The following PCDH18 variants were observed in gnomAD, a reference collection of about 807,000 sequenced individuals.
PCDH18 encodes protocadherin 18, also known as protocadherin-18.
A neutral mutation model predicts 71.5 loss-of-function variants in PCDH18; 38 were observed. That is an observed-to-expected ratio of 0.53 (90% CI 0.41 to 0.70). The LOEUF is 0.70. Among genes scored for constraint, PCDH18 ranks in the 30% least tolerant of loss-of-function variants. The pLI is 0.00. For synonymous variants in PCDH18, 565 were observed against 505.4 expected (o/e 1.12, Z -1.58); for missense variants, 1,334 against 1,384.6 (o/e 0.96, Z 0.58).
In PCDH18 at chr4:137,520,014, T is replaced by C. The variant is rs1420247750; in HGVS notation, c.*1015A>G. The C allele has an allele frequency of 6.6e-6, 1 of 152,468 alleles. No individual in the cohort carries two copies. Among genetic ancestry groups the C allele is most frequent in the Non-Finnish European group, 1.5e-5 (1 of 68,006 alleles). The allele number at this position is 152,468 out of a possible 1,614,324, so 9.4% of individuals were successfully genotyped here. A position where few individuals can be genotyped will look rare whatever the true frequency, so the allele number is the denominator to read the frequency against. ...GGAGACAAAAGCTAAAAATGAATAG[T>C]TATAACAAAGAAAGACAATATTCCA... On this transcript the variant is annotated 3_prime_UTR_variant, in exon 4 of 4. Coordinates refer to ENST00000344876, the MANE Select transcript of PCDH18 (RefSeq NM_019035.5).
At chr4:137,528,004 C>A (rs1418982369) in intron 3 of PCDH18, among the ~76,000 whole-genome samples, 1 of 152,116 alleles carries the variant, frequency 6.6e-6, no homozygotes, top group Non-Finnish European at 1.5e-5. Context: ...TGTACAATTT[C>A]CAGTGTATTT....
chr4:137,531,276 C>A lies in PCDH18; in HGVS notation c.813G>T (p.Thr271=). The A allele has an allele frequency of 6.2e-7, 1 of 1,613,982 alleles. No individual in the cohort carries two copies. Among genetic ancestry groups the A allele is most frequent in the African/African-American group, 1.3e-5 (1 of 75,030 alleles). ...VGTLLLDLNA[T]DPDEGANGKI... Reference sequence around the variant, plus strand: ...TCCCATTAGCGCCCTCATCTGGATCCGTGGCATTCAGATCTAAGAGCAAAG... The same window carrying A: ...TCCCATTAGCGCCCTCATCTGGATCAGTGGCATTCAGATCTAAGAGCAAAG... Residue 271 remains threonine, a synonymous_variant, in exon 1 of 4, where the codon ACG becomes ACT. Coordinates refer to ENST00000344876, the MANE Select transcript of PCDH18 (RefSeq NM_019035.5).
At chr4:137,521,880 A>G (rs995549020) in intron 3 of PCDH18, among the ~76,000 whole-genome samples, 184 bp from the exon 4 acceptor site, 5 of 152,234 alleles carry the variant, frequency 3.3e-5, no homozygotes, top group African/African-American at 1.2e-4. Context: ...CTGGTTTTAT[A>G]GACCTCCATA....
intron 1 of PCDH18, chr4:137,529,335 G>GACTCTAATT (rs1731574224): frequency 5.8e-6 from 2 of 344,228 alleles, no homozygotes; most frequent in Non-Finnish European, 1.0e-5. Context: ...GAAGCAAGGG[G>GACTCTAATT]ACTCTAATTA....
intron 3 of PCDH18, among the ~76,000 whole-genome samples, chr4:137,522,348 C>CA (rs1299845040): frequency 6.6e-6 from 1 of 151,878 alleles, no homozygotes; most frequent in Admixed American, 6.6e-5. Flanking sequence ...AAAATGTCAT[C>CA]AAAAGATGAA....
In PCDH18 at chr4:137,529,990, A is replaced by T. The variant is rs755724831; in HGVS notation, c.2099T>A (p.Met700Lys). The change falls in exon 1 of 4, where the codon ATG (methionine) becomes AAG (lysine). Residue 700 changes from methionine to lysine, a missense_variant. This residue lies in a region of PCDH18 where 1,011 missense variants were observed against 1,048.0 expected (regional missense o/e 0.96). Transcript: ENST00000344876. ...TGCTCCTAAGGAAATAATTATTATC[A>T]TGGAGACATCCAAGGATGCCTGGCT... ...SVSQASLDVS[M>K]IIIISLGAIC... 6.2e-7 allele frequency: 1 copy of T among 1,614,030 alleles called. No homozygotes were observed. Among genetic ancestry groups the T allele is most frequent in the Non-Finnish European group, 8.5e-7 (1 of 1,179,904 alleles).
Position 137,531,371 on chromosome 4 carries a change from T to C in PCDH18, c.718A>G (p.Asn240Asp), listed in dbSNP as rs1731686131. The C allele has an allele frequency of 1.2e-6, 2 of 1,613,538 alleles. No individual in the cohort carries two copies. Among genetic ancestry groups the C allele is most frequent in the South Asian group, 1.1e-5 (1 of 91,030 alleles). ...SILKISISDSNDNSPAFEQQS... is the reference protein window; with the variant it reads ...SILKISISDSDDNSPAFEQQS... ...TGCTCAAAAGCAGGGCTGTTGTCATTGGAGTCTGAAATGCTTATTTTTAGT... is the reference window on the plus strand; with the variant it reads ...TGCTCAAAAGCAGGGCTGTTGTCATCGGAGTCTGAAATGCTTATTTTTAGT... The change falls in exon 1 of 4, where the codon AAT becomes GAT. Residue 240 changes from asparagine (N) to aspartate (D), a missense_variant. This residue lies in a region of PCDH18 where 1,011 missense variants were observed against 1,048.0 expected (regional missense o/e 0.96). Coordinates refer to ENST00000344876, the MANE Select transcript of PCDH18 (RefSeq NM_019035.5).
rs376062378 is a variant in PCDH18 at position 137,528,785 on chromosome 4, C to A, written c.2523G>T (p.Gly841=). 13 of 1,613,338 alleles carry A rather than the reference C, an allele frequency of 8.1e-6. No homozygotes were observed. Among genetic ancestry groups the A allele is most frequent in the Non-Finnish European group, 1.1e-5 (13 of 1,179,616 alleles). ...GAAAACTTGGTCTTGGCTGATATTG[C>A]CCCTGGTGAAGCATTGAAAGAAGCT... ...VSQLLSMLHQ[G]QYQPRPSFRG... is the part of the protein sequence containing the mutation. The change falls in exon 2 of 4, where the codon GGG becomes GGT. Residue 841 remains glycine, a synonymous_variant. Coordinates refer to ENST00000344876, the MANE Select transcript of PCDH18 (RefSeq NM_019035.5).
In PCDH18 at chr4:137,521,154, T is replaced by A; in HGVS notation, c.3283A>T (p.Asn1095Tyr). Residue 1095 changes from asparagine (N) to tyrosine (Y), a missense_variant, in exon 4 of 4, where the codon AAT (asparagine) becomes TAT (tyrosine). By Grantham distance (143) the Asn-to-Tyr change is moderately radical. This residue lies in a region of PCDH18 where 319 missense variants were observed against 316.3 expected (regional missense o/e 1.01). Coordinates refer to ENST00000344876, the MANE Select transcript of PCDH18 (RefSeq NM_019035.5). Reference sequence around the variant, plus strand: ...TTGTCAAAATCATCTTCCTCATAATTTTCAGGGATCTCCTCCATGGCTGGC... The same window carrying A: ...TTGTCAAAATCATCTTCCTCATAATATTCAGGGATCTCCTCCATGGCTGGC... ...WLPAMEEIPE[N>Y]YEEDDFDNVL... 1 of 1,614,156 alleles carries A rather than the reference T, an allele frequency of 6.2e-7. No homozygotes were observed. The highest frequency in any genetic ancestry group is 1.1e-5 in the South Asian group (1 of 91,086).
At chr4:137,524,390 CA>C (rs1268486478) in intron 3 of PCDH18, among the ~76,000 whole-genome samples, 2 of 152,016 alleles carry the variant, frequency 1.3e-5, no homozygotes, top group African/African-American at 2.4e-5. Context: ...ACCCTGCCCT[CA>C]AAAGTTGTAA....
rs1418015235 is a variant in PCDH18, at chr4:137,520,009, AAT to A, written c.*1018_*1019del. On this transcript the variant is annotated 3_prime_UTR_variant, in exon 4 of 4. Coordinates refer to ENST00000344876, the MANE Select transcript of PCDH18 (RefSeq NM_019035.5). Reference sequence around the variant, plus strand: ...GCACTGGAGACAAAAGCTAAAAATGAATAGTTATAACAAAGAAAGACAATATT... The same window carrying A: ...GCACTGGAGACAAAAGCTAAAAATGAAGTTATAACAAAGAAAGACAATATT... 6.6e-6 allele frequency: 1 copy of A among 152,616 alleles called. No individual in the cohort carries two copies. Among genetic ancestry groups the A allele is most frequent in the African/African-American group, 2.4e-5 (1 of 41,458 alleles). 9.5% of individuals were successfully genotyped at this position (152,616 alleles called of 1,614,324 possible). A position where few individuals can be genotyped will look rare whatever the true frequency, so the allele number is the denominator to read the frequency against.
At chr4:137,529,433 G>A (rs1731578523) in intron 1 of PCDH18, 169 bp downstream of exon 1, 1 of 522,556 alleles carries the variant, frequency 1.9e-6, no homozygotes, top group Non-Finnish European at 3.4e-6. Flanking sequence ...AAAACAGTAT[G>A]CTAAAGTGTG....
rs1159439850 is a variant in PCDH18, at chr4:137,531,572, T to C, written c.517A>G (p.Thr173Ala). ...AAATCATTGGCAGAGAGCGAGTATG[T>C]GTGGAGGGAATTTTCCCCAACATCT... ...DPDVGENSLH[T>A]YSLSANDFFN... Residue 173 changes from threonine to alanine, a missense_variant, in exon 1 of 4, where the codon ACA becomes GCA. This residue lies in a region of PCDH18 where 1,011 missense variants were observed against 1,048.0 expected (regional missense o/e 0.96). Coordinates refer to ENST00000344876, the MANE Select transcript of PCDH18 (RefSeq NM_019035.5). 6.2e-7 allele frequency: 1 copy of C among 1,613,464 alleles called. No individual in the cohort carries two copies. Among genetic ancestry groups the C allele is most frequent in the South Asian group, 1.1e-5 (1 of 91,002 alleles).
rs1318417112 is a variant in PCDH18, at chr4:137,531,794, G to A, written c.295C>T (p.Gln99Ter). The part of the protein sequence containing the change: ...GATIDREQLC[Q>*]KNLNCSIEFD... ...TCTATGGAACAGTTCAAGTTTTTCT[G>A]GCACAGTTGTTCACGGTCAATTGTA... Residue 99 changes from glutamine (Q) to a stop codon, truncating the protein, a stop_gained, in exon 1 of 4, where the codon CAG becomes TAG. Coordinates refer to ENST00000344876, the MANE Select transcript of PCDH18 (RefSeq NM_019035.5). LOFTEE classifies it high-confidence loss of function. 6.2e-7 allele frequency: 1 copy of A among 1,614,028 alleles called. No individual in the cohort carries two copies. Among genetic ancestry groups the A allele is most frequent in the Non-Finnish European group, 8.5e-7 (1 of 1,180,028 alleles).
rs934708316 is a variant in PCDH18 at position 137,531,914 on chromosome 4, G to A, written c.175C>T (p.Pro59Ser). The A allele has an allele frequency of 6.2e-7, 1 of 1,614,034 alleles. No individual in the cohort carries two copies. The highest frequency in any genetic ancestry group is 1.1e-5 in the South Asian group (1 of 91,070). ...EDVADVLLKLPNPSTVRFRAM... is the reference protein window; with the variant it reads ...EDVADVLLKLSNPSTVRFRAM... ...CGAAATCGAACAGTAGAAGGATTAG[G>A]AAGCTTCAATAAAACATCAGCCACA... The change falls in exon 1 of 4, where the codon CCT becomes TCT. Residue 59 changes from proline (P) to serine (S), a missense_variant. Pro to Ser is a moderately conservative substitution (Grantham distance 74, BLOSUM62 -1). Around this residue, in one of 3 missense-constraint regions of PCDH18, gnomAD observed 1,011 missense variants for 1,048.0 expected, o/e 0.96. Coordinates refer to ENST00000344876, the MANE Select transcript of PCDH18 (RefSeq NM_019035.5).
chr4:137,525,658 G>A (rs550421934), intron 3 of PCDH18, among the ~76,000 whole-genome samples: 16 of 152,014 alleles, frequency 1.1e-4, no homozygotes, highest in African/African-American at 2.2e-4. Flanking sequence ...TATACTTTGC[G>A]GACCATTGGT....
chr4:137,524,549 A>G (rs2149212978), intron 3 of PCDH18, among the ~76,000 whole-genome samples: 1 of 152,260 alleles, frequency 6.6e-6, no homozygotes, highest in South Asian at 2.1e-4. Flanking sequence ...CCTAAAACAA[A>G]CTTTGAAAGA....
In PCDH18 at chr4:137,531,412, C is replaced by A. The variant is rs1256581994; in HGVS notation, c.677G>T (p.Arg226Met). 1 of 1,612,744 alleles carries A rather than the reference C, an allele frequency of 6.2e-7. No individual in the cohort carries two copies. The highest frequency in any genetic ancestry group is 1.1e-5 in the South Asian group (1 of 90,908). Reference sequence around the variant, plus strand: ...TATTTTTAGTATGGATGAGCCAGACCTCTGAGGTACTCCCATGTCTGAGGC... The same window carrying A: ...TATTTTTAGTATGGATGAGCCAGACATCTGAGGTACTCCCATGTCTGAGGC... ...LTASDMGVPQRSGSSILKISI... is the reference protein window; with the variant it reads ...LTASDMGVPQMSGSSILKISI... Residue 226 changes from arginine to methionine, a missense_variant, in exon 1 of 4, where the codon AGG becomes ATG. By Grantham distance (91) the Arg-to-Met change is moderately conservative. Coordinates refer to ENST00000344876, the MANE Select transcript of PCDH18 (RefSeq NM_019035.5).
Position 137,530,532 on chromosome 4 carries a change from G to A in PCDH18, c.1557C>T (p.Thr519=), listed in dbSNP as rs1159880894. The part of the protein sequence containing the change: ...ILGSSITTYV[T]IDPSNGAIYA... Reference sequence around the variant, plus strand: ...AGATGGCTCCATTAGATGGGTCAATGGTTACATATGTAGTTATGGAACTTC... The same window carrying A: ...AGATGGCTCCATTAGATGGGTCAATAGTTACATATGTAGTTATGGAACTTC... The change falls in exon 1 of 4, where the codon ACC becomes ACT. Residue 519 remains threonine, a synonymous_variant. Transcript: ENST00000344876. 1.2e-6 allele frequency: 2 copies of A among 1,613,706 alleles called. No individual in the cohort carries two copies. The highest frequency in any genetic ancestry group is 1.7e-6 in the Non-Finnish European group (2 of 1,179,818).
Sources: gnomAD v4.1 joint callset for allele counts (sites outside exome capture counted in the v4.1 genomes callset) on GRCh38, gnomAD v4.1.1 for gene constraint, gnomAD v4.1.1 regional missense constraint, MANE v1.5 for transcripts, NCBI Gene and HGNC (gene_info 2026-07-23, HGNC 2026-07-21) for gene names.